DOCK11: variants seen among roughly 807,000 people sequenced by gnomAD.
DOCK11 encodes the protein dedicator of cytokinesis 11.
DOCK11 carries 70 observed loss-of-function variants against 169.1 expected under a neutral mutation model. The observed-to-expected ratio is 0.41, with a 90% confidence interval of 0.34 to 0.51. The LOEUF (loss-of-function observed/expected upper bound fraction) is 0.51, where lower values mean the gene tolerates loss of function less well. Among genes scored for constraint, DOCK11 ranks in the 20% least tolerant of loss-of-function variants. DOCK11 has a pLI of 0.10. For synonymous variants in DOCK11, 529 were observed against 541.3 expected (o/e 0.98, Z 0.32); for missense variants, 1,166 against 1,538.8 (o/e 0.76, Z 4.05).
Position 118,680,567 on chromosome X carries a change from A to G in DOCK11, c.5546A>G (p.Glu1849Gly), listed in dbSNP as rs769454602. ...TACTTTGATGACAAAGAACTCACAG[A>G]AAGGAAGACCGAGTTTGAAAGAAAT... ...KPYFDDKELT[E>G]RKTEFERNHN... is the part of the protein sequence containing the mutation. The change falls in exon 49 of 53, where the codon GAA (glutamate) becomes GGA (glycine). Residue 1849 changes from glutamate to glycine, a missense_variant. Transcript: ENST00000276202. 7.4e-6 allele frequency: 9 copies of G among 1,211,031 alleles called. No individual in the cohort carries two copies. In the Admixed American group the frequency reaches 1.3e-4, roughly 18 times the overall value.
rs571824985 is a variant in DOCK11, at chrX:118,544,754, G to T, written c.393-569G>T. ...CGGCTCACTGCAACCTCTGCCTCCC[G>T]GGTTCAGGTGATTCTTCTGCCTCAG... On this transcript the variant is annotated intron_variant, in intron 4 of 52. Coordinates refer to ENST00000276202, the MANE Select transcript of DOCK11 (RefSeq NM_144658.4). 1.8e-4 allele frequency among the ~76,000 whole-genome samples: 18 copies of T among 99,430 alleles called. No homozygotes were observed. In the South Asian group the frequency reaches 5.1e-3, roughly 28 times the overall value. The allele number at this position is 99,430 out of a possible 115,157, so 86.3% of individuals were successfully genotyped here.
rs1432273715 is a variant in DOCK11, at chrX:118,624,616, T to TATA, written c.3549_3550insATA (p.Gly1183_Arg1184insIle). 1.1e-5 allele frequency: 13 copies of TATA among 1,206,407 alleles called. No individual in the cohort carries two copies. Among genetic ancestry groups the TATA allele is most frequent in the Non-Finnish European group, 1.5e-5 (13 of 890,951 alleles). On this transcript the variant is annotated inframe_insertion, in exon 32 of 53. Transcript: ENST00000276202. ...TGGAAAATATACAGCGATTAGCAGG[T>TATA]CGAGATACCTTGTATTCTTGTGCAG...
chrX:118,524,785 G>T (rs758437276), intron 1 of DOCK11, among the ~76,000 whole-genome samples: 3 of 111,268 alleles, frequency 2.7e-5, no homozygotes, highest in African/African-American at 9.8e-5. Context: ...ATTGCTGGTG[G>T]GTAATGTAAA....
chrX:118,548,431 C>G (rs930695864), intron 6 of DOCK11, among the ~76,000 whole-genome samples: 2 of 111,943 alleles, frequency 1.8e-5, no homozygotes, highest in East Asian at 5.6e-4. Context: ...ATTAAAATTA[C>G]TAATCGGCAG....
At chrX:118,647,492 TTATATAA>T (rs1384118830) in intron 40 of DOCK11, among the ~76,000 whole-genome samples, 1 of 73,522 alleles carries the variant, frequency 1.4e-5, no homozygotes, top group Non-Finnish European at 2.4e-5. Context: ...TATTATATTA[TTATATAA>T]TATATTATAT....
intron 6 of DOCK11, among the ~76,000 whole-genome samples, chrX:118,551,085 G>A (rs960588058): frequency 9.0e-6 from 1 of 111,613 alleles, no homozygotes; most frequent in Non-Finnish European, 1.9e-5. Flanking sequence ...AGCACCTCAG[G>A]GCCAGAGCTT....
intron 30 of DOCK11, 35 bp downstream of exon 30, chrX:118,615,746 T>G (rs1404429266): frequency 9.2e-7 from 1 of 1,090,955 alleles, no homozygotes; most frequent in East Asian, 3.0e-5. Context: ...TTGAGTTTGT[T>G]TTTTTCCATG....
At chrX:118,617,946 G>T (rs1240418967) in intron 30 of DOCK11, among the ~76,000 whole-genome samples, 1 of 111,699 alleles carries the variant, frequency 9.0e-6, no homozygotes, top group Non-Finnish European at 1.9e-5. Context: ...AGTTCGAAGT[G>T]ATTATTTTCT....
intron 1 of DOCK11, among the ~76,000 whole-genome samples, chrX:118,538,872 T>C (rs1415819200): frequency 8.9e-6 from 1 of 112,345 alleles, no homozygotes; most frequent in African/African-American, 3.2e-5. Context: ...ATGAGAAAGT[T>C]AGATAAGGGA....
At chrX:118,563,643 G>A (rs975730246) in intron 7 of DOCK11, among the ~76,000 whole-genome samples, 3 of 107,571 alleles carry the variant, frequency 2.8e-5, no homozygotes, top group Non-Finnish European at 5.8e-5. Flanking sequence ...CACAATTTCC[G>A]GATTGACCTT....
At chrX:118,631,924 GGTT>G (rs749964928) in intron 35 of DOCK11, among the ~76,000 whole-genome samples, 2 of 110,391 alleles carry the variant, frequency 1.8e-5, no homozygotes, top group South Asian at 7.8e-4. Flanking sequence ...ACAAGTCTCT[GGTT>G]GTTATTTTTA....
At chrX:118,496,145 C>A (rs1195472428) in intron 1 of DOCK11, 72 bp downstream of exon 1, 19 of 747,538 alleles carry the variant, frequency 2.5e-5, no homozygotes, top group Non-Finnish European at 3.2e-5. Flanking sequence ...GGGGCAGGAA[C>A]GGCGCCAGTG....
At chrX:118,522,316 T>TAA (rs113083719) in intron 1 of DOCK11, among the ~76,000 whole-genome samples, 2 of 101,987 alleles carry the variant, frequency 2.0e-5, no homozygotes, top group African/African-American at 7.1e-5. Flanking sequence ...AGACTTTGTC[T>TAA]AAAAAAAAAA....
chrX:118,561,355 G>T, intron 6 of DOCK11, 28 bp from the exon 7 acceptor site: 1 of 1,149,228 alleles, frequency 8.7e-7, no homozygotes, highest in Non-Finnish European at 1.2e-6. Context: ...TGTAACAAAT[G>T]TATCATTGCT....
chrX:118,531,728 T>C (rs1223087426), intron 1 of DOCK11, among the ~76,000 whole-genome samples: 1 of 109,452 alleles, frequency 9.1e-6, no homozygotes, highest in East Asian at 2.8e-4. Flanking sequence ...TGGCTAACTT[T>C]TTGTATTTTT....
intron 22 of DOCK11, among the ~76,000 whole-genome samples, chrX:118,598,890 A>G (rs2014250486): frequency 8.9e-6 from 1 of 112,077 alleles, no homozygotes; most frequent in Non-Finnish European, 1.9e-5. Context: ...CATAGAACAC[A>G]CTAGTCAAAG....
chrX:118,535,959 C>A (rs1248086597), intron 1 of DOCK11, among the ~76,000 whole-genome samples: 5 of 111,373 alleles, frequency 4.5e-5, no homozygotes, highest in Non-Finnish European at 9.4e-5. Context: ...ACATTTGGAA[C>A]AAACAGGCCA....
intron 44 of DOCK11, among the ~76,000 whole-genome samples, chrX:118,658,520 G>T (rs1300892673): frequency 2.7e-5 from 3 of 111,703 alleles, no homozygotes; most frequent in Non-Finnish European, 5.6e-5. Context: ...TCTTCACTGT[G>T]TCAGGCACTG....
chrX:118,526,069 G>A (rs1201283511), intron 1 of DOCK11, among the ~76,000 whole-genome samples: 1 of 111,769 alleles, frequency 8.9e-6, no homozygotes, highest in East Asian at 2.8e-4. Context: ...TTCCCTGCTG[G>A]GCATTCTGTT....
Sources: gnomAD v4.1 joint callset for allele counts (sites outside exome capture counted in the v4.1 genomes callset) on GRCh38, gnomAD v4.1.1 for gene constraint, MANE v1.5 for transcripts, NCBI Gene and HGNC (gene_info 2026-07-23, HGNC 2026-07-21) for gene names.